FAT2: variants seen among roughly 807,000 people sequenced by gnomAD.
FAT2 encodes protocadherin Fat 2.
Under a neutral mutation model 295.3 loss-of-function variants are expected in FAT2, and 150 were observed. The observed-to-expected ratio is 0.51, with a 90% confidence interval of 0.44 to 0.58. FAT2 has a LOEUF of 0.58. FAT2 is among the 20% of genes least tolerant of loss of function. FAT2 has a pLI of 0.00. For missense variants in FAT2, 4,868 were observed against 5,442.7 expected (o/e 0.89, Z 3.32); for synonymous variants, 2,026 against 2,150.3 (o/e 0.94, Z 1.60).
In FAT2 at chr5:151,531,654, T is replaced by C. The variant is rs1427376837; in HGVS notation, c.9744A>G (p.Ala3248=). The part of the protein sequence containing the change: ...LQLATLTRPG[A]EKTGYRVVSG... ...TGACCACGCGGTAGCCGGTCTTCTC[T>C]GCGCCCGGGCGAGTGAGGGTGGCCA... The change falls in exon 14 of 24, where the codon GCA becomes GCG. Residue 3248 remains alanine (A), a synonymous_variant. Coordinates refer to ENST00000261800, the MANE Select transcript of FAT2 (RefSeq NM_001447.3). This position sits in a 1 kb window ranked among gnomAD's most constrained non-coding sequence, Gnocchi z 5.7. 1.9e-6 allele frequency: 3 copies of C among 1,613,614 alleles called. No homozygotes were observed. Among genetic ancestry groups the C allele is most frequent in the Non-Finnish European group, 2.5e-6 (3 of 1,179,936 alleles).
chr5:151,555,119 CAGAGTG>C (rs1420292033), intron 4 of FAT2, among the ~76,000 whole-genome samples: 2 of 152,136 alleles, frequency 1.3e-5, no homozygotes, highest in African/African-American at 4.8e-5. Context: ...CAATGAAATC[CAGAGTG>C]AGAAAAGGCC....
At chr5:151,556,809 T>A (rs1757737981) in intron 3 of FAT2, among the ~76,000 whole-genome samples, 1 of 152,190 alleles carries the variant, frequency 6.6e-6, no homozygotes, top group Non-Finnish European at 1.5e-5. Flanking sequence ...GGTATCATGT[T>A]CTGTAGGTTC....
chr5:151,571,062 G>C (rs1271976069), intron 1 of FAT2, among the ~76,000 whole-genome samples: 2 of 152,118 alleles, frequency 1.3e-5, no homozygotes, highest in African/African-American at 4.8e-5. Context: ...AAAAGAGAGG[G>C]CAGGAAGGTG....
At chr5:151,553,503 G>A in intron 5 of FAT2, 116 bp from the exon 6 acceptor site, 2 of 870,950 alleles carry the variant, frequency 2.3e-6, no homozygotes, top group Non-Finnish European at 3.7e-6. Flanking sequence ...CTCTCATCCA[G>A]TCATTCATTC....
intron 1 of FAT2, among the ~76,000 whole-genome samples, chr5:151,575,444 A>G (rs1312168682): frequency 3.3e-5 from 5 of 152,222 alleles, no homozygotes; most frequent in African/African-American, 4.8e-5. Context: ...CTGTGTGGCC[A>G]TGGGTAGTTA....
rs867187803 is a variant in FAT2, at chr5:151,543,695, TG to T, written c.7431del (p.Tyr2477Ter). The part of the protein sequence containing the change: ...VYINTTNANK[Y>X]SPEFQQHLYE... ...TAAAGGTGCTGCTGGAACTCTGGGC[TG>T]TACTTGTTGGCATTTGTAGTGTTGA... On this transcript the variant is annotated frameshift_variant, in exon 10 of 24. Coordinates refer to ENST00000261800, the MANE Select transcript of FAT2 (RefSeq NM_001447.3). LOFTEE classifies it high-confidence loss of function. The T allele has an allele frequency of 2.5e-6, 4 of 1,614,106 alleles. No homozygotes were observed. Among genetic ancestry groups the T allele is most frequent in the African/African-American group, 1.3e-5 (1 of 74,940 alleles).
intron 9 of FAT2, among the ~76,000 whole-genome samples, chr5:151,546,731 T>C (rs929948474): frequency 6.6e-5 from 10 of 152,274 alleles, no homozygotes; most frequent in African/African-American, 2.4e-4. Flanking sequence ...AACTTTTTTT[T>C]TTTTTAGAGT....
At position 151,534,970 on chromosome 5, in the gene FAT2, AATATATATATATATAT is replaced by A. The variant is rs138459865; in HGVS notation, c.9194-344_9194-329del. ...TGGTTCGTAATTCCACTTCTAGGAA[AATATATATATATATAT>A]ATATATATATGTATACATTTTCTAT... On this transcript the variant is annotated intron_variant, in intron 12 of 23. Transcript: ENST00000261800. 8.5e-5 allele frequency among the ~76,000 whole-genome samples: 9 copies of A among 106,390 alleles called. 1 individual carries two copies. The highest frequency in any genetic ancestry group is 1.9e-4 in the Non-Finnish European group (9 of 46,826). The allele number at this position is 106,390 out of a possible 152,430, so 69.8% of individuals were successfully genotyped here. A position where few individuals can be genotyped will look rare whatever the true frequency, so the allele number is the denominator to read the frequency against.
upstream of FAT2, among the ~76,000 whole-genome samples, chr5:151,591,611 G>A (rs922541367): frequency 2.7e-5 from 4 of 149,736 alleles, no homozygotes; most frequent in Non-Finnish European, 4.4e-5. Flanking sequence ...AAGGGAACTA[G>A]AAAAGGTCAC....
Position 151,531,812 on chromosome 5 carries a change from T to C in FAT2, c.9586A>G (p.Ile3196Val), listed in dbSNP as rs1303981093. Residue 3196 changes from isoleucine (I) to valine (V), a missense_variant, in exon 14 of 24, where the codon ATA (isoleucine) becomes GTA (valine). This residue lies in a region of FAT2 where 1,046 missense variants were observed against 1,210.1 expected (regional missense o/e 0.86). Transcript: ENST00000261800. The surrounding 1 kb of genome is among the most constrained non-coding windows in gnomAD (Gnocchi z 5.7). Reference protein sequence around the residue: ...TVRASDLGTPIPLSTLGTVTV... With the variant: ...TVRASDLGTPVPLSTLGTVTV... ...ACGGTGCCCAGCGTGGACAGCGGTA[T>C]TGGGGTGCCCAGGTCAGAGGCACGG... The C allele has an allele frequency of 1.6e-5, 25 of 1,612,470 alleles. No homozygotes were observed. The highest frequency in any genetic ancestry group is 6.7e-5 in the African/African-American group (5 of 74,504).
At position 151,507,194 on chromosome 5, in the gene FAT2, A is replaced by G. The variant is rs377061912; in HGVS notation, c.12477T>C (p.Asn4159=). The G allele has an allele frequency of 1.9e-6, 3 of 1,606,932 alleles. No homozygotes were observed. The African/African-American group carries it at 4.0e-5, about 21-fold the overall frequency. The part of the protein sequence containing the change: ...PPAAVPSHSD[N]EPVIKRTWSS... The stretch of plus-strand genomic sequence containing the variant: ...ACCAGGTTCTCTTAATGACAGGCTC[A>G]TTGTCAGAGTGGGAAGGGACCGCAG... The change falls in exon 23 of 24, where the codon AAT becomes AAC. Residue 4159 remains asparagine (N), a synonymous_variant. Coordinates refer to ENST00000261800, the MANE Select transcript of FAT2 (RefSeq NM_001447.3).
rs750004709 is a variant in FAT2 at position 151,534,437 on chromosome 5, A to T, written c.9399T>A (p.Ala3133=). ...GGTCGGGATCCCGGGCAAATACTACAGCCACAGGGGTCTTCACTGTGGTGT... is the reference window on the plus strand; with the variant it reads ...GGTCGGGATCCCGGGCAAATACTACTGCCACAGGGGTCTTCACTGTGGTGT... The part of the protein sequence containing the change: ...FDNTTVKTPV[A]VVFARDPDQG... Residue 3133 remains alanine, a synonymous_variant, in exon 13 of 24, where the codon GCT becomes GCA. Coordinates refer to ENST00000261800, the MANE Select transcript of FAT2 (RefSeq NM_001447.3). 1 of 1,610,670 alleles carries T rather than the reference A, an allele frequency of 6.2e-7. No individual in the cohort carries two copies. The highest frequency in any genetic ancestry group is 1.1e-5 in the South Asian group (1 of 90,900).
At chr5:151,506,165 A>C in intron 23 of FAT2, 68 bp from the exon 24 acceptor site, 14 of 1,456,204 alleles carry the variant, frequency 9.6e-6, no homozygotes, top group Non-Finnish European at 1.3e-5. Context: ...GCTCTATAGC[A>C]ACTATATATA....
At position 151,589,645 on chromosome 5, in the gene FAT2, C is replaced by T. The variant is rs145578860; in HGVS notation, c.-21+1520G>A. Reference sequence around the variant, plus strand: ...GTGTGGTGGCTCATGCCTGTAACCCCAGCACTTTAGGGGGCCAAGGTGGAA... The same window carrying T: ...GTGTGGTGGCTCATGCCTGTAACCCTAGCACTTTAGGGGGCCAAGGTGGAA... On this transcript the variant is annotated intron_variant, in intron 1 of 23. Coordinates refer to ENST00000261800, the MANE Select transcript of FAT2 (RefSeq NM_001447.3). Among the ~76,000 whole-genome samples the T allele has an allele frequency of 7.4e-3, 1,127 of 152,144 alleles. 10 individuals carry two copies. Among genetic ancestry groups the T allele is most frequent in the African/African-American group, 0.026 (1,086 of 41,492 alleles).
intron 1 of FAT2, among the ~76,000 whole-genome samples, chr5:151,575,100 G>C (rs906602199): frequency 6.6e-6 from 1 of 152,232 alleles, no homozygotes; most frequent in South Asian, 2.1e-4. Flanking sequence ...AGCTGGCAGA[G>C]AGGCCATCTT....
intron 3 of FAT2, among the ~76,000 whole-genome samples, chr5:151,562,445 C>T (rs1160072591): frequency 1.3e-5 from 2 of 152,152 alleles, no homozygotes; most frequent in Admixed American, 1.3e-4. Flanking sequence ...TCTCACACTG[C>T]AGCACCAAGG....
Position 151,510,032 on chromosome 5 carries a change from G to A in FAT2, c.12048C>T (p.Tyr4016=), listed in dbSNP as rs1328932225. 1.2e-6 allele frequency: 2 copies of A among 1,613,970 alleles called. No individual in the cohort carries two copies. Among genetic ancestry groups the A allele is most frequent in the Admixed American group, 1.7e-5 (1 of 60,004 alleles). The change falls in exon 22 of 24, where the codon TAC becomes TAT. Residue 4016 remains tyrosine (Y), a synonymous_variant. Coordinates refer to ENST00000261800, the MANE Select transcript of FAT2 (RefSeq NM_001447.3). ...KGASCNCPHP[Y]TGDRCEMEAR... is the part of the protein sequence containing the mutation. ...TCTCCTGGGATTACCTGTCTCCTGT[G>A]TAAGGATGAGGGCAGTTACAGGAAG...
chr5:151,567,226 C>CA lies in FAT2; in HGVS notation c.1705dup (p.Cys569LeufsTer25). On this transcript the variant is annotated frameshift_variant, in exon 2 of 24. Transcript: ENST00000261800. LOFTEE classifies it high-confidence loss of function. ...CCAGTCTTGGCGGATAGACCCTGTA[C>CA]AGTTGACTTCTTCAAACATAGGCTG... 1 of 1,614,176 alleles carries CA rather than the reference C, an allele frequency of 6.2e-7. No individual in the cohort carries two copies. The highest frequency in any genetic ancestry group is 8.5e-7 in the Non-Finnish European group (1 of 1,180,028).
rs139121881 is a variant in FAT2, at chr5:151,554,363, G to A, written c.3944C>T (p.Thr1315Met). Residue 1315 changes from threonine to methionine, a missense_variant and splice_region_variant, in exon 5 of 24, where the codon ACG becomes ATG. Thr to Met is a moderately conservative substitution (Grantham distance 81). This residue lies in a region of FAT2 where 3,297 missense variants were observed against 3,669.4 expected (regional missense o/e 0.90). Coordinates refer to ENST00000261800, the MANE Select transcript of FAT2 (RefSeq NM_001447.3). ...TFTAGEYNIL[T>M]IKATDSGQPP... ...CGTGGCTTCCTTCTGTCTGCTCACC[G>A]TTAGGATGTTGTACTCTCCAGCTGT... 3.1e-5 allele frequency: 50 copies of A among 1,612,672 alleles called. No homozygotes were observed. The highest frequency in any genetic ancestry group is 1.8e-4 in the East Asian group (8 of 44,848).
Sources: allele counts gnomAD v4.1 joint callset (sites outside exome capture counted in the v4.1 genomes callset), GRCh38; gene constraint gnomAD v4.1.1; regional missense constraint gnomAD v4.1.1; non-coding constraint Gnocchi (gnomAD v3.1); transcripts MANE v1.5; gene names NCBI Gene and HGNC (gene_info 2026-07-23, HGNC 2026-07-21).